Variants in DPP8 observed in about 807,000 individuals in gnomAD.
DPP8 encodes the protein DPP VIII.
DPP8 carries 31 observed loss-of-function variants against 107.5 expected under a neutral mutation model. The observed-to-expected ratio is 0.29, with a 90% confidence interval of 0.22 to 0.39. The LOEUF (loss-of-function observed/expected upper bound fraction) is 0.39. DPP8 is among the 10% of genes least tolerant of loss of function. DPP8 has a pLI of 1.00. For synonymous variants in DPP8, 381 were observed against 356.6 expected (o/e 1.07, Z -0.77); for missense variants, 842 against 1,076.1 (o/e 0.78, Z 3.04).
chr15:65,448,710 GTACATATATATATAAAATA>G (rs1202559550), intron 19 of DPP8, among the ~76,000 whole-genome samples: 10 of 120,068 alleles, frequency 8.3e-5, no homozygotes, highest in African/African-American at 1.3e-4. Context: ...TATATAAAAT[GTACATATATATATAAAATA>G]TACATATATA....
Position 65,446,873 on chromosome 15 carries a change from A to G in DPP8, c.*11T>C. The G allele has an allele frequency of 6.2e-7, 1 of 1,607,164 alleles. No individual in the cohort carries two copies. Among genetic ancestry groups the G allele is most frequent in the Non-Finnish European group, 8.5e-7 (1 of 1,177,414 alleles). On this transcript the variant is annotated 3_prime_UTR_variant, in exon 20 of 20. Transcript: ENST00000300141. ...GCCAGTGTATACCAGAGAGTTCTACACAGGTCAAAATTATATCACTTTTAG... is the reference window on the plus strand; with the variant it reads ...GCCAGTGTATACCAGAGAGTTCTACGCAGGTCAAAATTATATCACTTTTAG...
chr15:65,457,455 C>T (rs2064529528), intron 15 of DPP8, among the ~76,000 whole-genome samples: 1 of 151,944 alleles, frequency 6.6e-6, no homozygotes, highest in South Asian at 2.1e-4. Flanking sequence ...GCCTCAAATT[C>T]CTGGGCTCAA....
At chr15:65,465,150 G>A (rs1567167239) in intron 14 of DPP8, among the ~76,000 whole-genome samples, 1 of 148,444 alleles carries the variant, frequency 6.7e-6, no homozygotes, top group South Asian at 2.1e-4. Context: ...TTTTGGTTCT[G>A]TACTAATTTG....
intron 11 of DPP8, chr15:65,475,550 C>A: frequency 7.7e-7 from 1 of 1,294,960 alleles, no homozygotes. Flanking sequence ...CAATCCATCC[C>A]CAGGCACTGA....
chr15:65,514,609 C>G (rs2071214384), intron 1 of DPP8, among the ~76,000 whole-genome samples: 1 of 152,192 alleles, frequency 6.6e-6, no homozygotes, highest in South Asian at 2.1e-4. Flanking sequence ...CTCCCAGGTT[C>G]AAGCAATTCT....
At chr15:65,475,724 C>T (rs937804229) in intron 11 of DPP8, 33 of 503,656 alleles carry the variant, frequency 6.6e-5, no homozygotes, top group South Asian at 5.1e-4. Flanking sequence ...TAAGTGTTTA[C>T]CATAGCAAAT....
At chr15:65,492,555 T>C (rs1389661527) in intron 5 of DPP8, among the ~76,000 whole-genome samples, 3 of 152,182 alleles carry the variant, frequency 2.0e-5, no homozygotes. Context: ...TTTCTCACTG[T>C]AGCCAGTCTA....
intron 12 of DPP8, among the ~76,000 whole-genome samples, chr15:65,472,691 G>T (rs564147324): frequency 6.6e-6 from 1 of 152,050 alleles, no homozygotes; most frequent in Non-Finnish European, 1.5e-5. Flanking sequence ...CTTTTGCTAG[G>T]CTCTAAAACT....
At position 65,445,854 on chromosome 15, in the gene DPP8, A is replaced by T. The variant is rs1400493472; in HGVS notation, c.*1030T>A. ...TAAATTTCAGTTTCCAAACATTTTC[A>T]TGAGTATTTTTGTTAAAACTACTTC... On this transcript the variant is annotated 3_prime_UTR_variant, in exon 20 of 20. Coordinates refer to ENST00000300141, the MANE Select transcript of DPP8 (RefSeq NM_130434.5). The T allele has an allele frequency of 1.3e-5, 2 of 152,110 alleles. No homozygotes were observed. The highest frequency in any genetic ancestry group is 2.9e-5 in the Non-Finnish European group (2 of 68,012). The allele number at this position is 152,110 out of a possible 1,614,324, so 9.4% of individuals were successfully genotyped here. A position where few individuals can be genotyped will look rare whatever the true frequency, so the allele number is the denominator to read the frequency against.
chr15:65,470,951 G>A (rs576523574), intron 12 of DPP8, among the ~76,000 whole-genome samples: 36 of 149,900 alleles, frequency 2.4e-4, no homozygotes, highest in African/African-American at 8.5e-4. Context: ...AAATAGAGAA[G>A]AGGGAAAGAC....
At chr15:65,493,770 A>T (rs1393774805) in intron 5 of DPP8, among the ~76,000 whole-genome samples, 2 of 152,148 alleles carry the variant, frequency 1.3e-5, no homozygotes, top group Admixed American at 6.6e-5. Flanking sequence ...TTGAGAGCAG[A>T]AGCTAGGATT....
chr15:65,511,760 A>C (rs1264694657), intron 2 of DPP8, among the ~76,000 whole-genome samples: 2 of 151,690 alleles, frequency 1.3e-5, no homozygotes, highest in African/African-American at 4.8e-5. Flanking sequence ...ACATATACAC[A>C]CACATTCACA....
intron 9 of DPP8, 82 bp from the exon 10 acceptor site, chr15:65,480,481 T>C: frequency 1.1e-6 from 1 of 890,816 alleles, no homozygotes; most frequent in Non-Finnish European, 1.7e-6. Context: ...CTTTGGCACC[T>C]ATCAATTATA....
At chr15:65,469,440 G>A (rs540302284) in intron 12 of DPP8, among the ~76,000 whole-genome samples, 5 of 151,468 alleles carry the variant, frequency 3.3e-5, no homozygotes, top group African/African-American at 1.2e-4. Flanking sequence ...GGTCACTTGA[G>A]GTCAAGAGTT....
rs1465094852 is a variant in DPP8, at chr15:65,463,638, A to G, written c.1971+123T>C. 1.1e-5 allele frequency: 8 copies of G among 740,790 alleles called. No homozygotes were observed. The East Asian group carries it at 1.8e-4, about 17-fold the overall frequency. The allele number at this position is 740,790 out of a possible 1,614,324, so 45.9% of individuals were successfully genotyped here. On this transcript the variant is annotated intron_variant, in intron 15 of 19. Coordinates refer to ENST00000300141, the MANE Select transcript of DPP8 (RefSeq NM_130434.5). ...ACTGAATAATTGGAATATAAGACGG[A>G]GTCATTAAAAGCAAATGCCCAACAA...
rs2067586175 is a variant in DPP8 at position 65,487,767 on chromosome 15, G to A, written c.878C>T (p.Ser293Phe). The A allele has an allele frequency of 1.3e-6, 2 of 1,593,374 alleles. No individual in the cohort carries two copies. Among genetic ancestry groups the A allele is most frequent in the Admixed American group, 1.7e-5 (1 of 59,334 alleles). ...LRILYEENDE[S>F]EVEIIHVTSP... is the part of the protein sequence containing the mutation. ...TGTAACATGAATAATTTCCACCTCA[G>A]ATTCATCATTTTCTTCATATAGAAT... Residue 293 changes from serine (S) to phenylalanine (F), a missense_variant, in exon 7 of 20, where the codon TCT (serine) becomes TTT (phenylalanine). This residue lies in a region of DPP8 where 663 missense variants were observed against 758.0 expected (regional missense o/e 0.87). Transcript: ENST00000300141.
intron 12 of DPP8, among the ~76,000 whole-genome samples, chr15:65,469,525 C>T (rs2065660031): frequency 6.6e-6 from 1 of 151,248 alleles, no homozygotes; most frequent in African/African-American, 2.4e-5. Context: ...TGGTGGCATG[C>T]ACCTGTAATC....
intron 12 of DPP8, among the ~76,000 whole-genome samples, chr15:65,468,260 C>T (rs1156533767): frequency 2.6e-5 from 4 of 151,962 alleles, no homozygotes; most frequent in South Asian, 2.1e-4. Context: ...TTTGGGAGGC[C>T]GAAGTGAGAG....
At chr15:65,472,874 C>CA (rs2066023653) in intron 12 of DPP8, among the ~76,000 whole-genome samples, 1 of 151,916 alleles carries the variant, frequency 6.6e-6, no homozygotes, top group South Asian at 2.1e-4. Context: ...ATCCCGTCTA[C>CA]AAAAAATACA....
Sources: gnomAD v4.1 joint callset for allele counts (sites outside exome capture counted in the v4.1 genomes callset) on GRCh38, gnomAD v4.1.1 for gene constraint, gnomAD v4.1.1 regional missense constraint, MANE v1.5 for transcripts, NCBI Gene and HGNC (gene_info 2026-07-23, HGNC 2026-07-21) for gene names.